HSPA4: variants seen among roughly 807,000 people sequenced by gnomAD.
HSPA4 encodes heat shock protein family A (Hsp70) member 4, also known as heat shock 70 kDa protein 4.
Under a neutral mutation model 106.2 loss-of-function variants are expected in HSPA4, and 25 were observed. The observed-to-expected ratio is 0.24, with a 90% confidence interval of 0.17 to 0.33. HSPA4 has a LOEUF of 0.33. Ranked by LOEUF, HSPA4 falls within the 10% of genes least tolerant of loss-of-function variation. The pLI is 1.00. For missense variants in HSPA4, 841 were observed against 996.0 expected (o/e 0.84, Z 2.10); for synonymous variants, 332 against 333.6 (o/e 1.00, Z 0.05).
chr5:133,100,888 C>T (rs1017817097), intron 16 of HSPA4, among the ~76,000 whole-genome samples: 2 of 152,198 alleles, frequency 1.3e-5, no homozygotes, highest in Admixed American at 1.3e-4. Flanking sequence ...TTACTGCAGC[C>T]TCGACCTCCC....
At chr5:133,093,004 A>G in intron 13 of HSPA4, among the ~76,000 whole-genome samples, 1 of 106,758 alleles carries the variant, frequency 9.4e-6, no homozygotes, top group African/African-American at 3.5e-5. Context: ...TTTTTTTTGT[A>G]TTTTTTAGTA....
chr5:133,102,622 C>T (rs1765801936), intron 17 of HSPA4, among the ~76,000 whole-genome samples: 1 of 152,172 alleles, frequency 6.6e-6, no homozygotes, highest in Non-Finnish European at 1.5e-5. Flanking sequence ...AGAAGTCTGA[C>T]TCCAAAGTTC....
At chr5:133,058,225 CTA>C (rs1379275791) in intron 1 of HSPA4, among the ~76,000 whole-genome samples, 1 of 151,974 alleles carries the variant, frequency 6.6e-6, no homozygotes, top group African/African-American at 2.4e-5. Flanking sequence ...GACTCTGTCT[CTA>C]TAAAAAATTT....
chr5:133,083,314 A>G (rs1765537746), intron 7 of HSPA4, among the ~76,000 whole-genome samples: 2 of 152,090 alleles, frequency 1.3e-5, no homozygotes, highest in Non-Finnish European at 2.9e-5. Context: ...TCCATCTCAA[A>G]AAAACAAACA....
intron 3 of HSPA4, 87 bp downstream of exon 3, chr5:133,067,644 G>T (rs1339203507): frequency 6.8e-6 from 8 of 1,182,632 alleles, no homozygotes; most frequent in Admixed American, 2.3e-5. Flanking sequence ...TCTGATGTCA[G>T]ATTGCAATGA....
rs142038616 is a variant in HSPA4, at chr5:133,057,048, A to G, written c.107+4691A>G. 1.2e-4 allele frequency among the ~76,000 whole-genome samples: 18 copies of G among 152,326 alleles called. No individual in the cohort carries two copies. The East Asian group carries it at 1.9e-3, about 16-fold the overall frequency. The stretch of plus-strand genomic sequence containing the variant: ...GGAAGTTTACCTTTTGGGTTCTACA[A>G]CTGTGTACTTTTAAAGTGCAAAGGT... On this transcript the variant is annotated intron_variant, in intron 1 of 18. Transcript: ENST00000304858.
intron 1 of HSPA4, among the ~76,000 whole-genome samples, chr5:133,059,547 A>C (rs920805252): frequency 1.1e-4 from 16 of 151,852 alleles, no homozygotes; most frequent in African/African-American, 3.9e-4. Flanking sequence ...TGGGAGGCGG[A>C]GGTTGCAGTG....
chr5:133,065,408 T>C (rs775794145), intron 2 of HSPA4, among the ~76,000 whole-genome samples: 5 of 152,226 alleles, frequency 3.3e-5, no homozygotes, highest in Admixed American at 6.5e-5. Flanking sequence ...TATAGGCCAA[T>C]ACTATGTCAT....
At chr5:133,053,009 A>G (rs1765102155) in intron 1 of HSPA4, 1 of 152,240 alleles carries the variant, frequency 6.6e-6, no homozygotes, top group South Asian at 2.1e-4. Context: ...TTATTTCGGG[A>G]TATTGTGCTA....
intron 7 of HSPA4, among the ~76,000 whole-genome samples, chr5:133,077,165 A>G (rs1167685901): frequency 6.6e-6 from 1 of 152,242 alleles, no homozygotes; most frequent in Non-Finnish European, 1.5e-5. Context: ...ACGAGATTTC[A>G]GTTTCCAAAA....
chr5:133,064,798 G>C (rs1312264439), intron 1 of HSPA4, among the ~76,000 whole-genome samples, 182 bp from the exon 2 acceptor site: 1 of 152,092 alleles, frequency 6.6e-6, no homozygotes, highest in African/African-American at 2.4e-5. Flanking sequence ...GTAAATGACA[G>C]GACTCAGTTG....
intron 16 of HSPA4, 186 bp from the exon 17 acceptor site, chr5:133,101,573 T>C: frequency 1.9e-6 from 1 of 517,496 alleles, no homozygotes; most frequent in African/African-American, 2.0e-5. Context: ...TCCAGATGGA[T>C]CAGTGTTGAG....
At position 133,052,131 on chromosome 5, in the gene HSPA4, C is replaced by G. The variant is rs1765087376; in HGVS notation, c.-120C>G. On this transcript the variant is annotated 5_prime_UTR_variant, in exon 1 of 19. Transcript: ENST00000304858. ...AGGACTTAGGCGCTCGCGTGGACACCGCAAGCCCCTCAGTAGCCTCGGCCC... is the reference window on the plus strand; with the variant it reads ...AGGACTTAGGCGCTCGCGTGGACACGGCAAGCCCCTCAGTAGCCTCGGCCC... 1.5e-6 allele frequency: 1 copy of G among 678,092 alleles called. No homozygotes were observed. Among genetic ancestry groups the G allele is most frequent in the Non-Finnish European group, 2.5e-6 (1 of 393,872 alleles). The allele number at this position is 678,092 out of a possible 1,614,324, so 42.0% of individuals were successfully genotyped here. A position where few individuals can be genotyped will look rare whatever the true frequency, so the allele number is the denominator to read the frequency against.
At chr5:133,080,417 CAA>C (rs33998797) in intron 7 of HSPA4, among the ~76,000 whole-genome samples, 16,158 of 67,368 alleles carry the variant, frequency 0.24, 555 homozygotes, top group Non-Finnish European at 0.28. Flanking sequence ...GACCCTGTCT[CAA>C]AAAAAAAAAA....
intron 5 of HSPA4, 84 bp from the exon 6 acceptor site, chr5:133,073,909 A>G (rs1363300044): frequency 6.9e-6 from 6 of 874,208 alleles, no homozygotes; most frequent in East Asian, 2.8e-5. Flanking sequence ...TGCATTCGTT[A>G]TATATAAAAC....
At chr5:133,089,224 G>A in intron 10 of HSPA4, 63 bp downstream of exon 10, 1 of 903,544 alleles carries the variant, frequency 1.1e-6, no homozygotes, top group South Asian at 1.8e-5. Context: ...TGAGTAATAT[G>A]TTGCTTTTCA....
chr5:133,100,509 G>A (rs1263071702), intron 16 of HSPA4, among the ~76,000 whole-genome samples: 1 of 151,848 alleles, frequency 6.6e-6, no homozygotes, highest in Admixed American at 6.6e-5. Flanking sequence ...CCATTCTCCT[G>A]CCTCAGCCTC....
At position 133,052,087 on chromosome 5, in the gene HSPA4, G is replaced by T. The variant is rs542339404; in HGVS notation, c.-164G>T. ...CGGAGCCGGCCTGAGCAGCGCTCTCGGTTGCAGTACCCACTGGAAGGACTT... is the reference window on the plus strand; with the variant it reads ...CGGAGCCGGCCTGAGCAGCGCTCTCTGTTGCAGTACCCACTGGAAGGACTT... On this transcript the variant is annotated 5_prime_UTR_variant, in exon 1 of 19. Transcript: ENST00000304858. 2.4e-5 allele frequency: 14 copies of T among 573,522 alleles called. No homozygotes were observed. Among genetic ancestry groups the T allele is most frequent in the Non-Finnish European group, 4.0e-5 (13 of 323,450 alleles). 35.5% of individuals were successfully genotyped at this position (573,522 alleles called of 1,614,324 possible). A position where few individuals can be genotyped will look rare whatever the true frequency, so the allele number is the denominator to read the frequency against.
At chr5:133,084,196 A>G (rs1057375105) in intron 7 of HSPA4, among the ~76,000 whole-genome samples, 2 of 152,148 alleles carry the variant, frequency 1.3e-5, no homozygotes, top group African/African-American at 4.8e-5. Flanking sequence ...ATCATGTATT[A>G]TGTAGTTTTT....
Sources: allele counts gnomAD v4.1 joint callset (sites outside exome capture counted in the v4.1 genomes callset), GRCh38; gene constraint gnomAD v4.1.1; transcripts MANE v1.5; gene names NCBI Gene and HGNC (gene_info 2026-07-23, HGNC 2026-07-21).